The following PCDHGA4 variants were observed in gnomAD, a reference collection of about 807,000 sequenced individuals.
PCDHGA4 encodes protocadherin gamma-A4.
PCDHGA4 carries 38 observed loss-of-function variants against 54.6 expected under a neutral mutation model. That is an observed-to-expected ratio of 0.70 (90% CI 0.54 to 0.91). The LOEUF (loss-of-function observed/expected upper bound fraction) is 0.91. PCDHGA4 is among the 40% of genes least tolerant of loss of function. PCDHGA4 has a pLI of 0.00. For missense variants in PCDHGA4, 1,298 were observed against 1,220.9 expected, an observed-to-expected ratio of 1.06 and a Z score of -0.94; for synonymous variants, 511 against 512.9, an observed-to-expected ratio of 1.00 and a Z score of 0.05.
chr5:141,410,024 G>T (rs771946302), intron 1 of PCDHGA4: 4 of 1,613,164 alleles, frequency 2.5e-6, no homozygotes, highest in Non-Finnish European at 3.4e-6. Flanking sequence ...GTCCTACCAC[G>T]TGCTGCAGGC....
At chr5:141,370,950 C>A in intron 1 of PCDHGA4, 1 of 1,614,002 alleles carries the variant, frequency 6.2e-7, no homozygotes, top group South Asian at 1.1e-5. Context: ...GAAGGAGAAC[C>A]TGGATGGCAG....
At position 141,365,950 on chromosome 5, in the gene PCDHGA4, T is replaced by C. The variant is rs376201402; in HGVS notation, c.2514+8329T>C. On this transcript the variant is annotated intron_variant, in intron 1 of 3. Coordinates refer to ENST00000571252, the MANE Select transcript of PCDHGA4 (RefSeq NM_018917.4). Reference sequence around the variant, plus strand: ...TGACAGCCAGCGACAGTGGGAACCCTCCACTTAGCAGCAACGTGTCGCTGA... The same window carrying C: ...TGACAGCCAGCGACAGTGGGAACCCCCCACTTAGCAGCAACGTGTCGCTGA... The C allele has an allele frequency of 2.5e-6, 4 of 1,614,078 alleles. No individual in the cohort carries two copies. In the African/African-American group the frequency reaches 5.3e-5, roughly 22 times the overall value.
At chr5:141,419,093 C>T (rs1191453038) in intron 1 of PCDHGA4, 4 of 1,613,916 alleles carry the variant, frequency 2.5e-6, no homozygotes, top group South Asian at 1.1e-5. Flanking sequence ...GGCCCTGGAT[C>T]GGGAGCAGAC....
At chr5:141,375,232 C>A in intron 1 of PCDHGA4, 1 of 1,613,986 alleles carries the variant, frequency 6.2e-7, no homozygotes, top group South Asian at 1.1e-5. Context: ...GCCTGGTAAC[C>A]TGTTCCATCC....
At chr5:141,421,844 A>C (rs1261967247) in intron 1 of PCDHGA4, 2 of 1,613,740 alleles carry the variant, frequency 1.2e-6, no homozygotes, top group East Asian at 4.5e-5. Context: ...CGAGAGAAAG[A>C]GGCTGCTCAC....
At position 141,487,939 on chromosome 5, in the gene PCDHGA4, C is replaced by A; in HGVS notation, c.2515-6868C>A. ...AGGCTACAGTGCACAGGGTACAGTG[C>A]ACCAGGCAGTCACTTGGACAAAGGT... On this transcript the variant is annotated intron_variant, in intron 1 of 3. Coordinates refer to ENST00000571252, the MANE Select transcript of PCDHGA4 (RefSeq NM_018917.4). The surrounding 1 kb of genome is among the most constrained non-coding windows in gnomAD (Gnocchi z 5.0). The A allele has an allele frequency of 1.7e-6, 1 of 600,512 alleles. No individual in the cohort carries two copies. Among genetic ancestry groups the A allele is most frequent in the Non-Finnish European group, 2.9e-6 (1 of 343,042 alleles). The allele number at this position is 600,512 out of a possible 1,614,324, so 37.2% of individuals were successfully genotyped here.
intron 1 of PCDHGA4, chr5:141,383,067 C>G: frequency 1.2e-6 from 2 of 1,613,822 alleles, no homozygotes; most frequent in South Asian, 1.1e-5. Flanking sequence ...GGCTGGAGCC[C>G]CGGGAGCTGG....
At chr5:141,455,013 C>T (rs1468289988) in intron 1 of PCDHGA4, among the ~76,000 whole-genome samples, 2 of 151,130 alleles carry the variant, frequency 1.3e-5, no homozygotes, top group African/African-American at 4.9e-5. Context: ...GGGGTTTCAC[C>T]GTGTTAGCCA....
At chr5:141,396,954 C>G (rs2093459266) in intron 1 of PCDHGA4, among the ~76,000 whole-genome samples, 1 of 152,172 alleles carries the variant, frequency 6.6e-6, no homozygotes. Flanking sequence ...GAAAGAAAAT[C>G]CTTACTCTCC....
At chr5:141,410,804 T>A in intron 1 of PCDHGA4, 1 of 674,100 alleles carries the variant, frequency 1.5e-6, no homozygotes, top group Non-Finnish European at 2.3e-6. Flanking sequence ...TTGCTCTATC[T>A]TTTTGTAAAA....
At position 141,356,943 on chromosome 5, in the gene PCDHGA4, C is replaced by T. The variant is rs374189449; in HGVS notation, c.1836C>T (p.Ser612=). 109 of 1,614,240 alleles carry T rather than the reference C, an allele frequency of 6.8e-5. No homozygotes were observed. The African/African-American group carries it at 9.1e-4, about 13-fold the overall frequency. Residue 612 remains serine (S), a synonymous_variant, in exon 1 of 4, where the codon TCC becomes TCT. Transcript: ENST00000571252. The part of the protein sequence containing the change: ...GSTGVELAPR[S]ADSGYLVTKV... ...CTGGTGTGGAGCTGGCACCCCGCTC[C>T]GCAGATTCCGGCTACCTGGTGACCA... is the stretch of plus-strand genomic sequence containing the variant.
chr5:141,418,649 G>A (rs760169796), intron 1 of PCDHGA4: 3 of 1,613,926 alleles, frequency 1.9e-6, no homozygotes, highest in Non-Finnish European at 2.5e-6. Flanking sequence ...CATCCTGAGA[G>A]TGAAGGCCAC....
chr5:141,441,697 C>A (rs1415018255), intron 1 of PCDHGA4: 4 of 307,190 alleles, frequency 1.3e-5, no homozygotes, highest in Non-Finnish European at 1.3e-5. Flanking sequence ...CAGCCGCGAG[C>A]CTTCAAGCTC....
At chr5:141,484,857 G>C in intron 1 of PCDHGA4, 1 of 264,370 alleles carries the variant, frequency 3.8e-6, no homozygotes. Flanking sequence ...TTTTTGGGGG[G>C]TGGGGGAGCG....
At chr5:141,379,313 A>G (rs1053297201) in intron 1 of PCDHGA4, 11 of 152,382 alleles carry the variant, frequency 7.2e-5, no homozygotes, top group Non-Finnish European at 1.5e-4. Flanking sequence ...CCTAAACAAG[A>G]GATCTAATCA....
At chr5:141,450,445 T>C (rs1490338949) in intron 1 of PCDHGA4, among the ~76,000 whole-genome samples, 1 of 152,168 alleles carries the variant, frequency 6.6e-6, no homozygotes, top group East Asian at 1.9e-4. Context: ...ATTTGTTTTA[T>C]GTTTCCTCGT....
At chr5:141,380,168 G>T (rs1204513654) in intron 1 of PCDHGA4, among the ~76,000 whole-genome samples, 1 of 152,074 alleles carries the variant, frequency 6.6e-6, no homozygotes, top group Non-Finnish European at 1.5e-5. Flanking sequence ...TCAAAGGGCT[G>T]GGATTACAGG....
At chr5:141,446,624 G>C (rs1433894248) in intron 1 of PCDHGA4, among the ~76,000 whole-genome samples, 1 of 151,930 alleles carries the variant, frequency 6.6e-6, no homozygotes, top group African/African-American at 2.4e-5. Flanking sequence ...CTACAGGCGT[G>C]CACCACCACG....
At chr5:141,436,208 A>G (rs1287696925) in intron 1 of PCDHGA4, among the ~76,000 whole-genome samples, 1 of 152,152 alleles carries the variant, frequency 6.6e-6, no homozygotes, top group Non-Finnish European at 1.5e-5. Context: ...CATAATAGGA[A>G]AACAAATGAC....
Sources: allele counts gnomAD v4.1 joint callset (sites outside exome capture counted in the v4.1 genomes callset), GRCh38; gene constraint gnomAD v4.1.1; non-coding constraint Gnocchi (gnomAD v3.1); transcripts MANE v1.5; gene names NCBI Gene and HGNC (gene_info 2026-07-23, HGNC 2026-07-21).